The following OCRL variants were observed in gnomAD, a reference collection of about 807,000 sequenced individuals.
OCRL encodes the protein OCRL inositol polyphosphate-5-phosphatase.
OCRL carries 8 observed loss-of-function variants against 78.9 expected under a neutral mutation model. The observed-to-expected ratio is 0.10, with a 90% CI of 0.06 to 0.18. The LOEUF is 0.18. Ranked by LOEUF, OCRL falls within the 10% of genes least tolerant of loss-of-function variation. The pLI is 1.00. For synonymous variants in OCRL, 240 were observed against 235.4 expected, an observed-to-expected ratio of 1.02 and a Z score of -0.18; for missense variants, 454 against 696.7, an observed-to-expected ratio of 0.65 and a Z score of 3.92.
chrX:129,558,537 A>C (rs1936095773), intron 6 of OCRL, 96 bp from the exon 7 acceptor site: 1 of 1,014,899 alleles, frequency 9.9e-7, no homozygotes, highest in Admixed American at 2.3e-5. Flanking sequence ...TAGTAATACC[A>C]CTGATCAAAT....
chrX:129,560,779 G>T (rs1403843263), intron 9 of OCRL, 128 bp downstream of exon 9: 2 of 463,548 alleles, frequency 4.3e-6, no homozygotes, highest in African/African-American at 4.8e-5. Context: ...TAACTTGCGG[G>T]TCAAATTTGT....
Position 129,587,100 on chromosome X carries a change from C to G in OCRL, c.2238C>G (p.Phe746Leu). The G allele has an allele frequency of 3.4e-6, 4 of 1,179,758 alleles. No individual in the cohort carries two copies. The highest frequency in any genetic ancestry group is 4.6e-6 in the Non-Finnish European group (4 of 866,192). The change falls in exon 20 of 24, where the codon TTC becomes TTG. Residue 746 changes from phenylalanine (F) to leucine (L), a missense_variant. Physicochemically the swap from Phe to Leu is conservative, Grantham distance 22 (BLOSUM62 0). Around this residue, in one of 2 missense-constraint regions of OCRL, gnomAD observed 277 missense variants for 517.1 expected, o/e 0.54. Coordinates refer to ENST00000371113, the MANE Select transcript of OCRL (RefSeq NM_000276.4). Reference sequence around the variant, plus strand: ...TCTGGCTTCTAGTAGATCACCTATTCAAATACGCCTGTCACCAGGTAAGTG... The same window carrying G: ...TCTGGCTTCTAGTAGATCACCTATTGAAATACGCCTGTCACCAGGTAAGTG... ...KEIWLLVDHL[F>L]KYACHQEDLF... is the part of the protein sequence containing the mutation.
chrX:129,565,516 T>TA (rs750471044), intron 12 of OCRL, among the ~76,000 whole-genome samples: 1 of 112,317 alleles, frequency 8.9e-6, no homozygotes, highest in South Asian at 3.7e-4. Context: ...CCTTGGCTTC[T>TA]AAATCCCATA....
chrX:129,550,494 T>C (rs1935943905), intron 4 of OCRL, among the ~76,000 whole-genome samples: 1 of 111,896 alleles, frequency 8.9e-6, no homozygotes, highest in Non-Finnish European at 1.9e-5. Flanking sequence ...TATCTGTTTT[T>C]TTCAGGTCCT....
chrX:129,583,220 T>G (rs1602812018), intron 18 of OCRL, among the ~76,000 whole-genome samples: 2 of 112,216 alleles, frequency 1.8e-5, no homozygotes, highest in African/African-American at 6.5e-5. Flanking sequence ...TACCCAAGCC[T>G]GTCCAACACC....
At chrX:129,572,104 C>A (rs929170868) in intron 15 of OCRL, among the ~76,000 whole-genome samples, 1 of 112,320 alleles carries the variant, frequency 8.9e-6, no homozygotes, top group Admixed American at 9.4e-5. Flanking sequence ...AATTTAAATT[C>A]AAATTCCCTA....
chrX:129,587,022 G>A lies in OCRL; in HGVS notation c.2160G>A (p.Met720Ile), dbSNP rs766557058. Residue 720 changes from methionine (M) to isoleucine (I), a missense_variant, in exon 20 of 24, where the codon ATG (methionine) becomes ATA (isoleucine). This residue lies in a region of OCRL where 277 missense variants were observed against 517.1 expected (regional missense o/e 0.54). Coordinates refer to ENST00000371113, the MANE Select transcript of OCRL (RefSeq NM_000276.4). ...FLEKEKSLLQ[M>I]VPLDEGASER... ...ATTAGGAGAAATCCCTTCTGCAAAT[G>A]GTTCCTTTGGATGAAGGTGCCAGTG... The A allele has an allele frequency of 2.5e-6, 3 of 1,203,996 alleles. No homozygotes were observed. Among genetic ancestry groups the A allele is most frequent in the Admixed American group, 4.3e-5 (2 of 45,989 alleles).
chrX:129,556,953 G>A (rs1936060557), intron 4 of OCRL, among the ~76,000 whole-genome samples: 2 of 112,240 alleles, frequency 1.8e-5, no homozygotes, highest in Admixed American at 9.4e-5. Flanking sequence ...TCCAGCTAAG[G>A]AATGGGAGGG....
At chrX:129,580,966 G>A (rs568375977) in intron 18 of OCRL, among the ~76,000 whole-genome samples, 1 of 112,028 alleles carries the variant, frequency 8.9e-6, no homozygotes, top group South Asian at 3.7e-4. Flanking sequence ...CCCAGTTCAA[G>A]TGACTCTCCT....
rs145302181 is a variant in OCRL at position 129,590,222 on chromosome X, T to A, written c.2658T>A (p.Arg886=). 16 of 1,209,567 alleles carry A rather than the reference T, an allele frequency of 1.3e-5. No individual in the cohort carries two copies. The African/African-American group carries it at 2.5e-4, about 19-fold the overall frequency. ...MARQTPSDRQ[R]AIQFLLGFLL... ...GACAGACTCCAAGTGACCGCCAGCGTGCTATTCAGTTCCTTCTGGGCTTTC... is the reference window on the plus strand; with the variant it reads ...GACAGACTCCAAGTGACCGCCAGCGAGCTATTCAGTTCCTTCTGGGCTTTC... Residue 886 remains arginine (R), a synonymous_variant, in exon 24 of 24, where the codon CGT becomes CGA. Transcript: ENST00000371113.
At chrX:129,547,739 G>A (rs1280836203) in intron 3 of OCRL, among the ~76,000 whole-genome samples, 11 of 110,805 alleles carry the variant, frequency 9.9e-5, no homozygotes, top group African/African-American at 3.6e-4. Flanking sequence ...CCTGAGTAAT[G>A]GAGCCAAATA....
At chrX:129,559,295 C>T (rs1936111728) in intron 8 of OCRL, among the ~76,000 whole-genome samples, 1 of 111,258 alleles carries the variant, frequency 9.0e-6, no homozygotes, top group Admixed American at 9.6e-5. Context: ...ACCTCTCAGT[C>T]GTAAGCAATC....
chrX:129,584,067 T>C (rs746584776), intron 18 of OCRL, among the ~76,000 whole-genome samples: 3 of 112,052 alleles, frequency 2.7e-5, no homozygotes, highest in Non-Finnish European at 5.6e-5. Context: ...GCTGGGTCAG[T>C]TGGCAGATGC....
chrX:129,579,796 G>A (rs1936418659), intron 18 of OCRL, among the ~76,000 whole-genome samples: 1 of 112,332 alleles, frequency 8.9e-6, no homozygotes, highest in South Asian at 3.7e-4. Flanking sequence ...TGGAGTTTAT[G>A]TGAGTTCCCA....
At chrX:129,587,795 G>A (rs1456642863) in intron 20 of OCRL, among the ~76,000 whole-genome samples, 2 of 108,674 alleles carry the variant, frequency 1.8e-5, no homozygotes, top group African/African-American at 6.7e-5. Context: ...AGCATTTTGG[G>A]AGGCAGAGAC....
At chrX:129,547,186 G>A (rs1424304466) in intron 3 of OCRL, among the ~76,000 whole-genome samples, 1 of 111,253 alleles carries the variant, frequency 9.0e-6, no homozygotes, top group African/African-American at 3.3e-5. Context: ...CTGTGATTGT[G>A]CCACTGCATG....
chrX:129,573,268 A>C (rs1870819301), intron 15 of OCRL, among the ~76,000 whole-genome samples: 1 of 111,819 alleles, frequency 8.9e-6, no homozygotes, highest in South Asian at 3.7e-4. Context: ...CAGAACGTAT[A>C]GGCTTGTTAC....
At chrX:129,569,041 T>C (rs1936260376) in intron 14 of OCRL, among the ~76,000 whole-genome samples, 1 of 112,330 alleles carries the variant, frequency 8.9e-6, no homozygotes, top group East Asian at 2.8e-4. Flanking sequence ...TTGCACCAGA[T>C]ACCATGCTAG....
intron 18 of OCRL, 101 bp downstream of exon 18, chrX:129,576,653 C>A: frequency 1.7e-6 from 1 of 599,573 alleles, no homozygotes. Flanking sequence ...CTTTTGGCCA[C>A]GGGGGATGTC....
Sources: allele counts gnomAD v4.1 joint callset (sites outside exome capture counted in the v4.1 genomes callset), GRCh38; gene constraint gnomAD v4.1.1; regional missense constraint gnomAD v4.1.1; transcripts MANE v1.5; gene names NCBI Gene and HGNC (gene_info 2026-07-23, HGNC 2026-07-21).